MGAM2: variants seen among roughly 807,000 people sequenced by gnomAD.
MGAM2 encodes maltase-glucoamylase 2 (putative).
MGAM2 carries 98 observed loss-of-function variants against 96.1 expected under a neutral mutation model. That is an observed-to-expected ratio of 1.02 (90% CI 0.87 to 1.21). MGAM2 has a LOEUF of 1.21. MGAM2 is among the 50% of genes most tolerant of loss of function. The probability of loss-of-function intolerance (pLI) is 0.00; values close to 1 mark genes in which losing one functional copy is unlikely to be tolerated. For synonymous variants in MGAM2, 749 were observed against 414.8 expected, an observed-to-expected ratio of 1.81 and a Z score of -9.79; for missense variants, 2,055 against 1,182.4, an observed-to-expected ratio of 1.74 and a Z score of -10.82.
In MGAM2 at chr7:142,131,970, G is replaced by A. The variant is rs4726491; in HGVS notation, c.460G>A (p.Glu154Lys). ...TAACATACGCTATGAAGTTTCCCAT[G>A]AAAATATTAACCTGGTTGATGGGAT... is the stretch of plus-strand genomic sequence containing the variant. ...FNNIRYEVSH[E>K]NINLVDGIAD... Residue 154 changes from glutamate to lysine, a missense_variant, in exon 6 of 48, where the codon GAA (glutamate) becomes AAA (lysine). Glu to Lys is a moderately conservative substitution (Grantham distance 56). Coordinates refer to ENST00000477922, the MANE Select transcript of MGAM2 (RefSeq NM_001293626.2). The A allele has an allele frequency of 5.7e-6, 4 of 702,790 alleles. No individual in the cohort carries two copies. The highest frequency in any genetic ancestry group is 1.0e-5 in the Non-Finnish European group (4 of 384,944). 43.5% of individuals were successfully genotyped at this position (702,790 alleles called of 1,614,324 possible).
rs377682042 is a variant in MGAM2, at chr7:142,213,345, G to C, written c.5187+4723G>C. Among the ~76,000 whole-genome samples, 7 of 152,046 alleles carry C rather than the reference G, an allele frequency of 4.6e-5. No homozygotes were observed. The South Asian group carries it at 1.5e-3, about 32-fold the overall frequency. On this transcript the variant is annotated intron_variant, in intron 46 of 47. Transcript: ENST00000477922. ...TCAGAGCAGAACTGAAGGAGAGAGA[G>C]ACACGAAATACCCTTCAAAAAAATC...
intron 2 of MGAM2, among the ~76,000 whole-genome samples, chr7:142,119,867 G>A (rs997088200): frequency 1.3e-5 from 2 of 152,220 alleles, no homozygotes; most frequent in Non-Finnish European, 2.9e-5. Context: ...CATAGTGATA[G>A]AAAATAGATG....
At chr7:142,132,346 AATATAATTTATATAATATATAATTACAT>A (rs963606036) in intron 6 of MGAM2, among the ~76,000 whole-genome samples, 3 of 145,426 alleles carry the variant, frequency 2.1e-5, no homozygotes, top group Admixed American at 7.0e-5. Flanking sequence ...TATGTAATTT[AATATAATTTATATAATATATAATTACAT>A]ATATAATTTA....
chr7:142,192,946 G>A (rs1332728251), intron 37 of MGAM2, among the ~76,000 whole-genome samples: 1 of 152,060 alleles, frequency 6.6e-6, no homozygotes, highest in Non-Finnish European at 1.5e-5. Flanking sequence ...ATGATATAAT[G>A]AATCCACAAG....
chr7:142,112,681 C>T (rs62479379), intron 1 of MGAM2, among the ~76,000 whole-genome samples: 2,869 of 152,082 alleles, frequency 0.019, 39 homozygotes, highest in Non-Finnish European at 0.03. Context: ...TAGCGGCTCT[C>T]GGTGTTTGTC....
intron 37 of MGAM2, among the ~76,000 whole-genome samples, chr7:142,193,827 C>G (rs536308018): frequency 5.3e-5 from 8 of 152,196 alleles, no homozygotes; most frequent in African/African-American, 1.9e-4. Context: ...TAAGCACAAA[C>G]ACATACTACT....
chr7:142,136,013 A>C (rs1273766485), intron 7 of MGAM2, among the ~76,000 whole-genome samples: 1 of 152,174 alleles, frequency 6.6e-6, no homozygotes, highest in Non-Finnish European at 1.5e-5. Flanking sequence ...TAGGCCAAAA[A>C]ATTCATCTGT....
chr7:142,221,409 C>T lies in MGAM2; in HGVS notation c.6898C>T (p.Pro2300Ser), dbSNP rs1055367435. 1 of 601,534 alleles carries T rather than the reference C, an allele frequency of 1.7e-6. No homozygotes were observed. The highest frequency in any genetic ancestry group is 3.0e-6 in the Non-Finnish European group (1 of 338,868). The allele number at this position is 601,534 out of a possible 1,614,324, so 37.3% of individuals were successfully genotyped here. ...TTYYQTSPTI[P>S]THTLTSIPSS... ...TTATTACCAGACTTCTCCTACCATTCCTACCCATACTCTTACTTCTATTCC... is the reference window on the plus strand; with the variant it reads ...TTATTACCAGACTTCTCCTACCATTTCTACCCATACTCTTACTTCTATTCC... Residue 2300 changes from proline to serine, a missense_variant, in exon 48 of 48, where the codon CCT becomes TCT. Physicochemically the swap from Pro to Ser is moderately conservative, Grantham distance 74. Coordinates refer to ENST00000477922, the MANE Select transcript of MGAM2 (RefSeq NM_001293626.2).
At chr7:142,159,108 A>G (rs1795818164) in intron 19 of MGAM2, among the ~76,000 whole-genome samples, 179 bp from the exon 20 acceptor site, 1 of 152,186 alleles carries the variant, frequency 6.6e-6, no homozygotes, top group South Asian at 2.1e-4. Context: ...ATTTTTAGCT[A>G]CATTCTGCTT....
intron 27 of MGAM2, among the ~76,000 whole-genome samples, chr7:142,170,677 A>G (rs1796158948): frequency 6.6e-6 from 1 of 152,170 alleles, no homozygotes; most frequent in African/African-American, 2.4e-5. Flanking sequence ...CACAATGTTA[A>G]GCATAAAAGG....
intron 3 of MGAM2, among the ~76,000 whole-genome samples, chr7:142,123,041 G>A (rs541501514): frequency 4.3e-4 from 65 of 152,206 alleles, no homozygotes; most frequent in African/African-American, 1.5e-3. Flanking sequence ...TATTGGCCAG[G>A]ATGGTCTCTT....
At chr7:142,185,880 A>G in intron 34 of MGAM2, 109 bp from the exon 35 acceptor site, 1 of 577,482 alleles carries the variant, frequency 1.7e-6, no homozygotes, top group Non-Finnish European at 3.1e-6. Flanking sequence ...CAGATCTGAG[A>G]TTAGAGCAGA....
intron 28 of MGAM2, among the ~76,000 whole-genome samples, chr7:142,171,882 A>T (rs1796207109): frequency 6.6e-6 from 1 of 151,740 alleles, no homozygotes; most frequent in Non-Finnish European, 1.5e-5. Context: ...TTATGTAATA[A>T]TACATAATTG....
chr7:142,134,423 A>G (rs938357456), intron 7 of MGAM2, among the ~76,000 whole-genome samples: 1 of 152,230 alleles, frequency 6.6e-6, no homozygotes, highest in African/African-American at 2.4e-5. Flanking sequence ...TGATTATATT[A>G]GAACCTAGTA....
At chr7:142,204,891 A>G (rs1797350543) in intron 45 of MGAM2, among the ~76,000 whole-genome samples, 1 of 152,082 alleles carries the variant, frequency 6.6e-6, no homozygotes, top group Non-Finnish European at 1.5e-5. Context: ...CTGAATTTCA[A>G]AGCTGTAGCA....
chr7:142,117,269 C>T (rs766132920), intron 2 of MGAM2, among the ~76,000 whole-genome samples: 9 of 152,120 alleles, frequency 5.9e-5, no homozygotes, highest in Non-Finnish European at 1.0e-4. Flanking sequence ...GTCATGAAGT[C>T]GTACTGCCTT....
intron 24 of MGAM2, 99 bp from the exon 25 acceptor site, chr7:142,165,999 A>C: frequency 3.5e-6 from 2 of 579,704 alleles, no homozygotes; most frequent in African/African-American, 1.9e-5. Flanking sequence ...GGAGGAAGGA[A>C]TAGATGCCCT....
intron 32 of MGAM2, among the ~76,000 whole-genome samples, chr7:142,181,341 T>A (rs1041240342): frequency 2.0e-5 from 3 of 152,210 alleles, no homozygotes; most frequent in African/African-American, 7.2e-5. Flanking sequence ...TGTGGCTGAA[T>A]TCCTGCATTG....
chr7:142,197,669 G>A lies in MGAM2; in HGVS notation c.4807G>A (p.Asp1603Asn). 4.3e-6 allele frequency: 3 copies of A among 702,952 alleles called. No homozygotes were observed. In the East Asian group the frequency reaches 8.0e-5, roughly 19 times the overall value. The allele number at this position is 702,952 out of a possible 1,614,324, so 43.5% of individuals were successfully genotyped here. The change falls in exon 42 of 48, where the codon GAT becomes AAT. Residue 1603 changes from aspartate to asparagine, a missense_variant. Physicochemically the swap from Asp to Asn is conservative, Grantham distance 23. Coordinates refer to ENST00000477922, the MANE Select transcript of MGAM2 (RefSeq NM_001293626.2). The part of the protein sequence containing the change: ...HEFTDDRTTW[D>N]IDRQFMLGPA... ...GTTTACGGATGACAGGACAACATGGGATATAGACCGTCAGTTCATGTTGGG... is the reference window on the plus strand; with the variant it reads ...GTTTACGGATGACAGGACAACATGGAATATAGACCGTCAGTTCATGTTGGG...
Sources: gnomAD v4.1 joint callset for allele counts (sites outside exome capture counted in the v4.1 genomes callset) on GRCh38, gnomAD v4.1.1 for gene constraint, MANE v1.5 for transcripts, NCBI Gene and HGNC (gene_info 2026-07-23, HGNC 2026-07-21) for gene names.